Variants in ADGRF3 observed in about 807,000 individuals in gnomAD.
The protein encoded by ADGRF3 is adhesion G protein-coupled receptor F3.
In ADGRF3, 85 loss-of-function variants were observed where a neutral mutation model predicts 93.2. That is an observed-to-expected ratio of 0.91 (90% CI 0.77 to 1.09). The LOEUF is 1.09. ADGRF3 is among the 50% of genes least tolerant of loss of function. The probability of loss-of-function intolerance (pLI) is 0.00; values close to 1 mark genes in which losing one functional copy is unlikely to be tolerated. For synonymous variants in ADGRF3, 534 were observed against 532.5 expected, an observed-to-expected ratio of 1.00 and a Z score of -0.04; for missense variants, 1,125 against 1,246.2, an observed-to-expected ratio of 0.90 and a Z score of 1.46.
intron 1 of ADGRF3, among the ~76,000 whole-genome samples, chr2:26,344,423 CGT>C (rs1209966512): frequency 6.6e-6 from 1 of 152,166 alleles, no homozygotes; most frequent in African/African-American, 2.4e-5. Flanking sequence ...GGATTACAAG[CGT>C]GAGCCACCGC....
In ADGRF3 at chr2:26,346,359, G is replaced by T; in HGVS notation, c.-125C>A. 6.6e-7 allele frequency: 1 copy of T among 1,512,418 alleles called. No individual in the cohort carries two copies. The highest frequency in any genetic ancestry group is 1.2e-5 in the South Asian group (1 of 80,084). The allele number at this position is 1,512,418 out of a possible 1,614,324, so 93.7% of individuals were successfully genotyped here. A position where few individuals can be genotyped will look rare whatever the true frequency, so the allele number is the denominator to read the frequency against. On this transcript the variant is annotated 5_prime_UTR_variant, in exon 1 of 14. Coordinates refer to ENST00000651242, the MANE Select transcript of ADGRF3 (RefSeq NM_001321971.2). ...CCCAGGCGGCTGAGGGGCCCGCGCG[G>T]CGCGGTCCGTGTCACCTTGTGCCGC...
chr2:26,337,364 A>G (rs942649950), intron 1 of ADGRF3, among the ~76,000 whole-genome samples: 12 of 152,232 alleles, frequency 7.9e-5, no homozygotes, highest in African/African-American at 2.7e-4. Context: ...GATATGATTG[A>G]CAGATAAAAA....
At chr2:26,340,431 C>T (rs771912782) in intron 1 of ADGRF3, 2 of 152,032 alleles carry the variant, frequency 1.3e-5, no homozygotes, top group African/African-American at 2.4e-5. Context: ...ACCGAATGAC[C>T]ATTGATCCAA....
chr2:26,341,397 C>T (rs1217277927), intron 1 of ADGRF3, among the ~76,000 whole-genome samples: 1 of 151,538 alleles, frequency 6.6e-6, no homozygotes, highest in Non-Finnish European at 1.5e-5. Context: ...ACAAACACCA[C>T]TGAGAAGCTA....
intron 1 of ADGRF3, among the ~76,000 whole-genome samples, chr2:26,341,546 T>A (rs1463589209): frequency 1.3e-5 from 2 of 152,070 alleles, no homozygotes; most frequent in East Asian, 3.9e-4. Context: ...GACCCACTCA[T>A]ACAGTTCCCT....
At chr2:26,319,602 CCTTCCTTCCTTCCTTT>C (rs1162561738) in intron 1 of ADGRF3, among the ~76,000 whole-genome samples, 4,464 of 69,594 alleles carry the variant, frequency 0.064, 371 homozygotes, top group Middle Eastern at 0.09. Flanking sequence ...TTCCTTCCTT[CCTTCCTTCCTTCCTTT>C]CTTTCTTTGT....
rs753294765 is a variant in ADGRF3, at chr2:26,313,814, G to A, written c.1018C>T (p.Gln340Ter). ...CTGAGTGGAGCCAGGCCCAGGCTCTGCAGGTCACAAGCGTACGTGGTGTCA... is the reference window on the plus strand; with the variant it reads ...CTGAGTGGAGCCAGGCCCAGGCTCTACAGGTCACAAGCGTACGTGGTGTCA... ...MADTTYACDL[Q>*]SLGLAPLRVP... The change falls in exon 7 of 14, where the codon CAG becomes TAG. Residue 340 changes from glutamine (Q) to a stop codon, truncating the protein, a stop_gained. Transcript: ENST00000651242. LOFTEE classifies it high-confidence loss of function. The A allele has an allele frequency of 5.0e-6, 8 of 1,613,896 alleles. No homozygotes were observed. The East Asian group carries it at 1.8e-4, about 36-fold the overall frequency.
At position 26,310,182 on chromosome 2, in the gene ADGRF3, G is replaced by T; in HGVS notation, c.2874+14C>A. On this transcript the variant is annotated intron_variant, in intron 11 of 13. Coordinates refer to ENST00000651242, the MANE Select transcript of ADGRF3 (RefSeq NM_001321971.2). Reference sequence around the variant, plus strand: ...GGCTGCAAGTGAGGCAGGGGGTTAGGTGGGCAGACTTACCTTCCTGTCCAT... The same window carrying T: ...GGCTGCAAGTGAGGCAGGGGGTTAGTTGGGCAGACTTACCTTCCTGTCCAT... 1 of 1,614,058 alleles carries T rather than the reference G, an allele frequency of 6.2e-7. No individual in the cohort carries two copies.
intron 1 of ADGRF3, among the ~76,000 whole-genome samples, chr2:26,333,224 A>C (rs919951438): frequency 6.6e-6 from 1 of 151,818 alleles, no homozygotes; most frequent in South Asian, 2.1e-4. Context: ...TCCAGTATCA[A>C]GTTTTTCTTA....
intron 7 of ADGRF3, 37 bp downstream of exon 7, chr2:26,313,723 G>T (rs757220114): frequency 1.3e-5 from 21 of 1,610,674 alleles, no homozygotes; most frequent in Non-Finnish European, 1.8e-5. Context: ...AAGGCAAGCA[G>T]CTGGGACCAG....
At chr2:26,310,645 A>T in intron 10 of ADGRF3, 47 bp downstream of exon 10, 1 of 1,549,920 alleles carries the variant, frequency 6.5e-7, no homozygotes, top group Non-Finnish European at 8.8e-7. Flanking sequence ...GCAGTGACTT[A>T]GACCATCTAA....
At position 26,313,665 on chromosome 2, in the gene ADGRF3, C is replaced by G. The variant is rs796953745; in HGVS notation, c.1073-92G>C. On this transcript the variant is annotated intron_variant, in intron 7 of 13. Coordinates refer to ENST00000651242, the MANE Select transcript of ADGRF3 (RefSeq NM_001321971.2). Reference sequence around the variant, plus strand: ...CCCTATGCGGGCCCCGAAGCCTGGTCCTGTTGCCCAGGGCAGAGACGTGCC... The same window carrying G: ...CCCTATGCGGGCCCCGAAGCCTGGTGCTGTTGCCCAGGGCAGAGACGTGCC... 3.1e-5 allele frequency: 49 copies of G among 1,571,482 alleles called. No individual in the cohort carries two copies. In the African/African-American group the frequency reaches 5.7e-4, roughly 18 times the overall value.
Position 26,310,988 on chromosome 2 carries a change from C to A in ADGRF3, c.2536G>T (p.Glu846Ter), listed in dbSNP as rs1674043151. ...LYLPQGQYLR[E>*]GECWLDGKGG... ...TTCCCATCCAACCAGCATTCCCCCT[C>A]CCTCAGGTATTGCCCTTGAGGTAGG... Residue 846 changes from glutamate to a stop codon, truncating the protein, a stop_gained, in exon 10 of 14, where the codon GAG becomes TAG. Transcript: ENST00000651242. LOFTEE classifies it high-confidence loss of function. The A allele has an allele frequency of 1.9e-6, 3 of 1,613,514 alleles. No individual in the cohort carries two copies. The highest frequency in any genetic ancestry group is 1.1e-5 in the South Asian group (1 of 90,942).
intron 1 of ADGRF3, among the ~76,000 whole-genome samples, chr2:26,331,652 C>T (rs1675776076): frequency 6.6e-6 from 1 of 152,156 alleles, no homozygotes; most frequent in Non-Finnish European, 1.5e-5. Flanking sequence ...GTCACTTGAG[C>T]CCAAGAGTTT....
At chr2:26,321,969 C>CAA (rs112854920) in intron 1 of ADGRF3, among the ~76,000 whole-genome samples, 19 of 55,344 alleles carry the variant, frequency 3.4e-4, no homozygotes, top group East Asian at 1.5e-3. Flanking sequence ...TGAGACTCCT[C>CAA]AAAAAAAAAA....
intron 2 of ADGRF3, 69 bp downstream of exon 2, chr2:26,317,427 C>G: frequency 1.4e-6 from 2 of 1,450,772 alleles, no homozygotes; most frequent in Non-Finnish European, 1.9e-6. Flanking sequence ...TTTTCTGGGT[C>G]CTGGGTTTCC....
chr2:26,309,011 T>G lies in ADGRF3; in HGVS notation c.*75A>C. On this transcript the variant is annotated 3_prime_UTR_variant, in exon 14 of 14. Coordinates refer to ENST00000651242, the MANE Select transcript of ADGRF3 (RefSeq NM_001321971.2). The stretch of plus-strand genomic sequence containing the variant: ...CGGGAGGCGGGAAGAGTTCAGAGCA[T>G]TGGGCCAGGGCTCATCTGGTGGGTT... 1.2e-6 allele frequency: 2 copies of G among 1,607,170 alleles called. No individual in the cohort carries two copies. The highest frequency in any genetic ancestry group is 1.7e-6 in the Non-Finnish European group (2 of 1,174,060).
At chr2:26,312,152 C>T (rs1435900841) in intron 9 of ADGRF3, 78 bp from the exon 10 acceptor site, 1 of 1,367,050 alleles carries the variant, frequency 7.3e-7, no homozygotes, top group Admixed American at 2.1e-5. Flanking sequence ...GAACAACAGA[C>T]CCCACACCTT....
chr2:26,311,040 C>T lies in ADGRF3; in HGVS notation c.2484G>A (p.Gly828=), dbSNP rs140045229. ...MVLLGYLCPL[G]LAGVTLGLYL... ...AGAGCCCCAGGGTGACACCTGCCAA[C>T]CCCAGTGGGCACAGGTAGCCCAGGA... The change falls in exon 10 of 14, where the codon GGG becomes GGA. Residue 828 remains glycine, a synonymous_variant. Coordinates refer to ENST00000651242, the MANE Select transcript of ADGRF3 (RefSeq NM_001321971.2). 6 of 1,610,538 alleles carry T rather than the reference C, an allele frequency of 3.7e-6. No individual in the cohort carries two copies. In the East Asian group the frequency reaches 6.7e-5, roughly 18 times the overall value.
Sources: gnomAD v4.1 joint callset for allele counts (sites outside exome capture counted in the v4.1 genomes callset) on GRCh38, gnomAD v4.1.1 for gene constraint, MANE v1.5 for transcripts, NCBI Gene and HGNC (gene_info 2026-07-23, HGNC 2026-07-21) for gene names.